The following RPH3A variants were observed in gnomAD, a reference collection of about 807,000 sequenced individuals.
RPH3A encodes the protein rabphilin-3A.
A neutral mutation model predicts 102.2 loss-of-function variants in RPH3A; 48 were observed. The ratio of observed to expected loss-of-function variants is 0.47; its 90% CI spans 0.37 to 0.60. The LOEUF (loss-of-function observed/expected upper bound fraction) is 0.60. Among genes scored for constraint, RPH3A ranks in the 20% least tolerant of loss-of-function variants. The pLI, the probability that RPH3A is intolerant of heterozygous loss-of-function variation, is 0.00. For synonymous variants in RPH3A, 310 were observed against 324.3 expected (o/e 0.96, Z 0.47); for missense variants, 781 against 910.1 (o/e 0.86, Z 1.83).
chr12:112,724,136 A>C (rs977729284), intron 1 of RPH3A, among the ~76,000 whole-genome samples: 3 of 150,378 alleles, frequency 2.0e-5, no homozygotes, highest in African/African-American at 7.4e-5. Context: ...GGCTCACTGA[A>C]GCCTCATCCT....
intron 1 of RPH3A, among the ~76,000 whole-genome samples, chr12:112,596,164 C>T (rs1784125397): frequency 6.6e-6 from 1 of 150,538 alleles, no homozygotes; most frequent in Non-Finnish European, 1.5e-5. Context: ...ATTTTTGAGA[C>T]AAGACCTCAC....
chr12:112,697,676 C>T (rs946819408), intron 1 of RPH3A, among the ~76,000 whole-genome samples: 8 of 152,054 alleles, frequency 5.3e-5, no homozygotes, highest in Non-Finnish European at 1.0e-4. Context: ...ACCAGCCTGG[C>T]CAACATGGTG....
At chr12:112,758,444 A>G (rs1178568782) in intron 1 of RPH3A, among the ~76,000 whole-genome samples, 1 of 152,260 alleles carries the variant, frequency 6.6e-6, no homozygotes, top group Non-Finnish European at 1.5e-5. Flanking sequence ...AACATTCCAT[A>G]TGTGACATCC....
chr12:112,836,124 G>C (rs73427042), intron 3 of RPH3A, among the ~76,000 whole-genome samples: 2 of 152,222 alleles, frequency 1.3e-5, no homozygotes, highest in Non-Finnish European at 2.9e-5. Flanking sequence ...GCTCTACCTA[G>C]TATGGTCCTT....
chr12:112,655,951 T>C (rs1365812945), intron 1 of RPH3A, among the ~76,000 whole-genome samples: 1 of 152,150 alleles, frequency 6.6e-6, no homozygotes, highest in Non-Finnish European at 1.5e-5. Flanking sequence ...TTCAAGATCA[T>C]AGCTGCAGGA....
chr12:112,645,115 C>A (rs114260103), intron 1 of RPH3A, among the ~76,000 whole-genome samples: 2,120 of 152,104 alleles, frequency 0.014, 60 homozygotes, highest in African/African-American at 0.049. Flanking sequence ...AGAGAGATAC[C>A]GTGAGAGTTG....
chr12:112,803,560 G>A (rs1380784187), intron 2 of RPH3A, among the ~76,000 whole-genome samples: 1 of 151,504 alleles, frequency 6.6e-6, no homozygotes, highest in Non-Finnish European at 1.5e-5. Context: ...GGAGGCCTCA[G>A]TTCCCCCAGT....
At chr12:112,753,291 C>A (rs573531942) in intron 1 of RPH3A, among the ~76,000 whole-genome samples, 1 of 152,192 alleles carries the variant, frequency 6.6e-6, no homozygotes, top group Non-Finnish European at 1.5e-5. Flanking sequence ...TTTGTACCCA[C>A]GTCAAATCCT....
At chr12:112,630,800 A>T (rs947801640) in intron 1 of RPH3A, among the ~76,000 whole-genome samples, 2 of 152,100 alleles carry the variant, frequency 1.3e-5, no homozygotes, top group South Asian at 4.1e-4. Flanking sequence ...GGCACTGAGG[A>T]CTTTGTGGTG....
At chr12:112,667,141 C>T (rs990431322) in intron 1 of RPH3A, among the ~76,000 whole-genome samples, 2 of 152,128 alleles carry the variant, frequency 1.3e-5, no homozygotes, top group African/African-American at 2.4e-5. Context: ...GACCTGTGTG[C>T]ATGTTATTTT....
At chr12:112,690,341 A>G (rs569272225) in intron 1 of RPH3A, among the ~76,000 whole-genome samples, 159 of 152,310 alleles carry the variant, frequency 1.0e-3, no homozygotes, top group African/African-American at 3.7e-3. Context: ...GGGCTCAGCC[A>G]CCCCTTTTGT....
At chr12:112,725,274 A>AC (rs2040579906) in intron 1 of RPH3A, among the ~76,000 whole-genome samples, 2 of 151,438 alleles carry the variant, frequency 1.3e-5, no homozygotes, top group South Asian at 2.1e-4. Context: ...AAAAAAAAAA[A>AC]AAAAACACGT....
chr12:112,827,836 A>G (rs765416087), intron 2 of RPH3A, among the ~76,000 whole-genome samples: 1 of 151,984 alleles, frequency 6.6e-6, no homozygotes, highest in Non-Finnish European at 1.5e-5. Context: ...ACTATGGCAC[A>G]TGTATACCTA....
chr12:112,786,946 C>T (rs1833291676), upstream of RPH3A, among the ~76,000 whole-genome samples: 1 of 152,108 alleles, frequency 6.6e-6, no homozygotes, highest in Non-Finnish European at 1.5e-5. Flanking sequence ...AGACTCTTTT[C>T]CTCACCTTTT....
At chr12:112,608,033 A>G (rs763996649) in intron 1 of RPH3A, among the ~76,000 whole-genome samples, 2 of 152,124 alleles carry the variant, frequency 1.3e-5, no homozygotes, top group Non-Finnish European at 2.9e-5. Flanking sequence ...ACACATGCCC[A>G]GGGACTTTAA....
chr12:112,864,217 C>A (rs1176166471), intron 5 of RPH3A, among the ~76,000 whole-genome samples: 1 of 152,088 alleles, frequency 6.6e-6, no homozygotes, highest in Non-Finnish European at 1.5e-5. Flanking sequence ...TTTTGGGAGG[C>A]CAAGGCAGGT....
chr12:112,772,624 G>A (rs1362236992), intron 1 of RPH3A, among the ~76,000 whole-genome samples: 3 of 152,116 alleles, frequency 2.0e-5, no homozygotes, highest in African/African-American at 2.4e-5. Flanking sequence ...TGGTTGGTGC[G>A]TGGTAAGCGC....
intron 1 of RPH3A, among the ~76,000 whole-genome samples, chr12:112,601,706 C>T (rs974264875): frequency 3.9e-5 from 6 of 151,940 alleles, no homozygotes; most frequent in South Asian, 2.1e-4. Context: ...CCGAGGTGGG[C>T]GGATCACTTG....
intron 1 of RPH3A, among the ~76,000 whole-genome samples, chr12:112,770,610 T>C (rs946674612): frequency 2.6e-5 from 4 of 152,100 alleles, no homozygotes; most frequent in Non-Finnish European, 4.4e-5. Flanking sequence ...TCCTAAAGTG[T>C]TGCAGTTGCT....
Sources: gnomAD v4.1 joint callset for allele counts (sites outside exome capture counted in the v4.1 genomes callset) on GRCh38, gnomAD v4.1.1 for gene constraint, MANE v1.5 for transcripts, NCBI Gene and HGNC (gene_info 2026-07-23, HGNC 2026-07-21) for gene names.